The following SDHC variants were observed in gnomAD, a reference collection of about 807,000 sequenced individuals.
SDHC encodes the protein succinate dehydrogenase cytochrome b560 subunit, mitochondrial.
A neutral mutation model predicts 22.6 loss-of-function variants in SDHC; 11 were observed. The observed-to-expected ratio is 0.49, with a 90% CI of 0.31 to 0.81. SDHC has a LOEUF of 0.81. SDHC is among the 30% of genes least tolerant of loss of function. The pLI is 0.05. For missense variants in SDHC, 160 were observed against 212.0 expected (o/e 0.75, Z 1.52); for synonymous variants, 80 against 77.8 (o/e 1.03, Z -0.15).
At chr1:161,330,069 A>G (rs1326227797) in intron 3 of SDHC, among the ~76,000 whole-genome samples, 5 of 152,314 alleles carry the variant, frequency 3.3e-5, no homozygotes, top group African/African-American at 1.2e-4. Context: ...TCTGGGGATT[A>G]ATACATTGAC....
intron 3 of SDHC, among the ~76,000 whole-genome samples, chr1:161,336,234 G>A (rs1671475746): frequency 1.3e-5 from 2 of 152,214 alleles, no homozygotes; most frequent in East Asian, 3.9e-4. Context: ...CAAGGTGGGT[G>A]GATCATGAGG....
intron 4 of SDHC, among the ~76,000 whole-genome samples, chr1:161,350,582 G>T (rs1004233534): frequency 1.3e-5 from 2 of 151,928 alleles, no homozygotes; most frequent in African/African-American, 2.4e-5. Context: ...CCCAATAAAG[G>T]TATTTTTTAA....
At chr1:161,320,398 A>G (rs1670797052) in intron 1 of SDHC, among the ~76,000 whole-genome samples, 1 of 152,198 alleles carries the variant, frequency 6.6e-6, no homozygotes, top group Non-Finnish European at 1.5e-5. Context: ...ACTTTTTGGT[A>G]TACCATCAGA....
At chr1:161,342,641 C>T (rs556411355) in intron 4 of SDHC, among the ~76,000 whole-genome samples, 1 of 152,126 alleles carries the variant, frequency 6.6e-6, no homozygotes, top group East Asian at 1.9e-4. Context: ...CTCAACCTCT[C>T]AAGTAGCTGG....
At chr1:161,357,988 A>G (rs915842458) in intron 5 of SDHC, among the ~76,000 whole-genome samples, 33 of 151,446 alleles carry the variant, frequency 2.2e-4, no homozygotes, top group Middle Eastern at 3.5e-3. Context: ...TTTAATAGAA[A>G]CTGGGTGCCA....
At chr1:161,331,665 G>A (rs574358223) in intron 3 of SDHC, among the ~76,000 whole-genome samples, 16 of 148,758 alleles carry the variant, frequency 1.1e-4, no homozygotes, top group African/African-American at 4.0e-4. Flanking sequence ...GCGCAGTCCC[G>A]GCTCACTGTA....
chr1:161,336,587 G>A (rs1453354553), intron 3 of SDHC, among the ~76,000 whole-genome samples: 1 of 152,182 alleles, frequency 6.6e-6, no homozygotes, highest in African/African-American at 2.4e-5. Context: ...AGGTTGGTGA[G>A]GTGAGTCTTT....
intron 3 of SDHC, among the ~76,000 whole-genome samples, chr1:161,336,649 A>C (rs914092833): frequency 6.6e-6 from 1 of 151,970 alleles, no homozygotes; most frequent in Non-Finnish European, 1.5e-5. Context: ...ACTTGGGGGG[A>C]AAAAAGCAGC....
At chr1:161,350,321 G>A (rs1413248747) in intron 4 of SDHC, among the ~76,000 whole-genome samples, 5 of 152,210 alleles carry the variant, frequency 3.3e-5, no homozygotes, top group African/African-American at 1.2e-4. Flanking sequence ...AAAGTGCTGG[G>A]ATTACAGGCG....
rs534560013 is a variant in SDHC at position 161,319,429 on chromosome 1, G to T, written c.21-4185G>T. On this transcript the variant is annotated intron_variant, in intron 1 of 5. Transcript: ENST00000367975. Reference sequence around the variant, plus strand: ...GAAGTGATCTTGCTATCCAGGAATTGGTTGTTTTTTTTTTTTTGGTTTTGG... The same window carrying T: ...GAAGTGATCTTGCTATCCAGGAATTTGTTGTTTTTTTTTTTTTGGTTTTGG... Among the ~76,000 whole-genome samples the T allele has an allele frequency of 2.2e-4, 33 of 151,612 alleles. No homozygotes were observed. The East Asian group carries it at 6.4e-3, about 29-fold the overall frequency.
chr1:161,362,184 T>C, intron 5 of SDHC, 145 bp from the exon 6 acceptor site: 4 of 935,764 alleles, frequency 4.3e-6, no homozygotes, highest in Non-Finnish European at 6.7e-6. Context: ...AGGGTAAAGG[T>C]GGGGCATAAG....
At chr1:161,317,529 TTGTG>T (rs138977321) in intron 1 of SDHC, among the ~76,000 whole-genome samples, 9 of 132,064 alleles carry the variant, frequency 6.8e-5, no homozygotes, top group Non-Finnish European at 1.4e-4. Context: ...TGCCTTGGTT[TTGTG>T]TGTGTGTGTG....
At chr1:161,355,842 G>A (rs896438328) in intron 4 of SDHC, among the ~76,000 whole-genome samples, 2 of 151,912 alleles carry the variant, frequency 1.3e-5, no homozygotes, top group Admixed American at 6.6e-5. Context: ...AAATTAGCGA[G>A]GCATGGTGGC....
chr1:161,334,239 A>G (rs1378300362), intron 3 of SDHC, among the ~76,000 whole-genome samples: 1 of 152,132 alleles, frequency 6.6e-6, no homozygotes, highest in African/African-American at 2.4e-5. Flanking sequence ...GCAATGCTAC[A>G]TTGAGTTCTT....
At chr1:161,362,112 A>G (rs1288491571) in intron 5 of SDHC, among the ~76,000 whole-genome samples, 1 of 152,160 alleles carries the variant, frequency 6.6e-6, no homozygotes, top group Non-Finnish European at 1.5e-5. Flanking sequence ...ACCACACAAT[A>G]GAACCTGATT....
chr1:161,342,399 G>A lies in SDHC; in HGVS notation c.241+1744G>A, dbSNP rs1671751228. Among the ~76,000 whole-genome samples the A allele has an allele frequency of 2.0e-5, 3 of 152,148 alleles. No individual in the cohort carries two copies. In the South Asian group the frequency reaches 6.2e-4, roughly 32 times the overall value. The stretch of plus-strand genomic sequence containing the variant: ...ACAAGACTTCTGTTCCAAGTTGATA[G>A]TCCTGGGACCTTTGCTGGCAAAGGA... On this transcript the variant is annotated intron_variant, in intron 4 of 5. Transcript: ENST00000367975.
intron 3 of SDHC, among the ~76,000 whole-genome samples, chr1:161,339,299 C>T (rs1350033118): frequency 6.6e-6 from 1 of 151,962 alleles, no homozygotes; most frequent in Non-Finnish European, 1.5e-5. Context: ...CCTCTCACTT[C>T]AGTCTCCCAA....
At chr1:161,336,687 G>A (rs1369483067) in intron 3 of SDHC, among the ~76,000 whole-genome samples, 3 of 152,060 alleles carry the variant, frequency 2.0e-5, no homozygotes, top group Admixed American at 6.6e-5. Context: ...ATCCAGAGTG[G>A]CATGTCAGGG....
rs773661299 is a variant in SDHC, at chr1:161,314,433, C to T, written c.20+8C>T. ...GGCTGCGCTGTTGCTGAGGTGACTT[C>T]AGTGGGACTGGGAGTTGGTGCCTGC... On this transcript the variant is annotated splice_region_variant and intron_variant, in intron 1 of 5. Transcript: ENST00000367975. The T allele has an allele frequency of 2.7e-5, 43 of 1,609,394 alleles. No homozygotes were observed. Among genetic ancestry groups the T allele is most frequent in the Non-Finnish European group, 1.7e-6 (2 of 1,179,360 alleles).
Sources: allele counts gnomAD v4.1 joint callset (sites outside exome capture counted in the v4.1 genomes callset), GRCh38; gene constraint gnomAD v4.1.1; transcripts MANE v1.5; gene names NCBI Gene and HGNC (gene_info 2026-07-23, HGNC 2026-07-21).